Variants in EFR3B observed in about 807,000 individuals in gnomAD.
EFR3B encodes EFR3 homolog B, also known as protein EFR3 homolog B.
EFR3B carries 64 observed loss-of-function variants against 104.7 expected under a neutral mutation model. The ratio of observed to expected loss-of-function variants is 0.61; its 90% CI spans 0.50 to 0.75. The LOEUF is 0.75. Ranked by LOEUF, EFR3B falls within the 30% of genes least tolerant of loss-of-function variation. The probability of loss-of-function intolerance (pLI) is 0.00; values close to 1 mark genes in which losing one functional copy is unlikely to be tolerated. For missense variants in EFR3B, 750 were observed against 1,078.5 expected, an observed-to-expected ratio of 0.70 and a Z score of 4.27; for synonymous variants, 385 against 417.9, an observed-to-expected ratio of 0.92 and a Z score of 0.96.
At position 25,157,133 on chromosome 2, in the gene EFR3B, C is replaced by A. The variant is rs1227100004; in HGVS notation, c.*2793C>A. The A allele has an allele frequency of 1.3e-5, 2 of 152,224 alleles. No individual in the cohort carries two copies. Among genetic ancestry groups the A allele is most frequent in the Admixed American group, 6.5e-5 (1 of 15,288 alleles). The allele number at this position is 152,224 out of a possible 1,614,324, so 9.4% of individuals were successfully genotyped here. On this transcript the variant is annotated 3_prime_UTR_variant, in exon 23 of 23. Transcript: ENST00000403714. ...CTGCATAGATTCTGCTGTTTCCTCTCCACCGGTCCCAGGCAGCTTTTCCTT... is the reference window on the plus strand; with the variant it reads ...CTGCATAGATTCTGCTGTTTCCTCTACACCGGTCCCAGGCAGCTTTTCCTT...
chr2:25,085,871 T>C (rs1001557353), intron 1 of EFR3B, among the ~76,000 whole-genome samples: 1 of 151,284 alleles, frequency 6.6e-6, no homozygotes, highest in Non-Finnish European at 1.5e-5. Context: ...TATTTGTCCT[T>C]GGAGCCTTTT....
rs761295528 is a variant in EFR3B, at chr2:25,092,967, G to GAGGCCA, written c.85-36_85-35insAGGCCA. ...AGACTTGAACTCGTCTAGCCATAGT[G>GAGGCCA]TGGCCATAGTGAGCACAAGCTGTTT... On this transcript the variant is annotated intron_variant, in intron 2 of 22. Coordinates refer to ENST00000403714, the MANE Select transcript of EFR3B (RefSeq NM_014971.2). The GAGGCCA allele has an allele frequency of 5.6e-4, 859 of 1,538,568 alleles. 5 individuals carry two copies. The African/African-American group carries it at 0.011, about 20-fold the overall frequency.
In EFR3B at chr2:25,136,862, A is replaced by G. The variant is rs1215610063; in HGVS notation, c.1560+264A>G. Among the ~76,000 whole-genome samples the G allele has an allele frequency of 6.6e-6, 1 of 152,120 alleles. No individual in the cohort carries two copies. The highest frequency in any genetic ancestry group is 2.4e-5 in the African/African-American group (1 of 41,424). ...ACCCAGAAGGTGGAGGTTGCAGTGA[A>G]CCGAGATTGTGCCAATGTACTTCAG... On this transcript the variant is annotated intron_variant, in intron 14 of 22. Transcript: ENST00000403714. This position sits in a 1 kb window ranked among gnomAD's most constrained non-coding sequence, Gnocchi z 4.0.
chr2:25,146,956 C>T (rs1010434124), intron 19 of EFR3B: 75 of 152,334 alleles, frequency 4.9e-4, no homozygotes, highest in African/African-American at 1.8e-3. Context: ...TTTTTCCCCA[C>T]CTGCTCTGGC....
intron 10 of EFR3B, among the ~76,000 whole-genome samples, chr2:25,132,595 C>T (rs1388871164): frequency 6.7e-6 from 1 of 150,266 alleles, no homozygotes; most frequent in Non-Finnish European, 1.5e-5. Context: ...CTCCCCCCGA[C>T]CCCCCGCTCC....
intron 1 of EFR3B, among the ~76,000 whole-genome samples, chr2:25,078,488 A>G (rs1319650884): frequency 6.6e-5 from 10 of 152,176 alleles, no homozygotes; most frequent in Admixed American, 6.5e-4. Flanking sequence ...GAGGGAGTTG[A>G]TGTTTATAAG....
chr2:25,127,191 CAAAAAAA>C (rs57818903), intron 5 of EFR3B, among the ~76,000 whole-genome samples: 6 of 51,736 alleles, frequency 1.2e-4, no homozygotes, highest in African/African-American at 7.4e-5. Context: ...GACTCCACCT[CAAAAAAA>C]AAAAAAAAAA....
intron 4 of EFR3B, 85 bp downstream of exon 4, chr2:25,103,872 G>C (rs1040315056): frequency 6.7e-5 from 100 of 1,488,340 alleles, no homozygotes; most frequent in Non-Finnish European, 8.9e-5. Context: ...GGTCGGCACT[G>C]TCATGTTCTG....
chr2:25,060,182 C>T (rs776444611), intron 1 of EFR3B, among the ~76,000 whole-genome samples: 37 of 151,890 alleles, frequency 2.4e-4, no homozygotes, highest in South Asian at 2.1e-4. Context: ...GGTGACAGAG[C>T]GAGACTCCGT....
chr2:25,059,114 A>ATTTT (rs70947864), intron 1 of EFR3B, among the ~76,000 whole-genome samples: 102 of 142,096 alleles, frequency 7.2e-4, no homozygotes, highest in African/African-American at 2.5e-3. Flanking sequence ...TTCAGTGTTG[A>ATTTT]TTTTTTTTTT....
intron 5 of EFR3B, among the ~76,000 whole-genome samples, chr2:25,127,846 C>T (rs971762068): frequency 2.6e-5 from 4 of 152,172 alleles, no homozygotes; most frequent in Non-Finnish European, 5.9e-5. Flanking sequence ...TTCTTGGCAG[C>T]GTTTTGAGCT....
intron 1 of EFR3B, among the ~76,000 whole-genome samples, chr2:25,077,610 T>C (rs184947481): frequency 6.6e-6 from 1 of 152,320 alleles, no homozygotes; most frequent in East Asian, 1.9e-4. Context: ...AGTAAGAAAG[T>C]AAGTGCTCAC....
chr2:25,069,480 A>C (rs895198626), intron 1 of EFR3B, among the ~76,000 whole-genome samples: 5 of 152,232 alleles, frequency 3.3e-5, no homozygotes, highest in Non-Finnish European at 5.9e-5. Context: ...TTCAAGGGCA[A>C]GCTAGTGATA....
chr2:25,075,910 A>T (rs1261934163), intron 1 of EFR3B, among the ~76,000 whole-genome samples: 1 of 152,000 alleles, frequency 6.6e-6, no homozygotes, highest in East Asian at 1.9e-4. Flanking sequence ...GTAGGGTCTC[A>T]CTCTGTCACT....
At chr2:25,099,950 C>T (rs1005839505) in intron 3 of EFR3B, among the ~76,000 whole-genome samples, 3 of 151,950 alleles carry the variant, frequency 2.0e-5, no homozygotes, top group Admixed American at 6.6e-5. Context: ...CACCTGTAAC[C>T]CGAGCAATTT....
chr2:25,042,349 C>A lies in EFR3B; in HGVS notation c.7+30C>A. On this transcript the variant is annotated intron_variant, in intron 1 of 22. Transcript: ENST00000403714. The surrounding 1 kb of genome is among the most constrained non-coding windows in gnomAD (Gnocchi z 5.4). ...GGAGGGCTCCGCGCCCGGGCCCGGG[C>A]CCGCGGGGGCGACTCCGCAAACTTC... The A allele has an allele frequency of 1.6e-6, 2 of 1,257,190 alleles. No individual in the cohort carries two copies. The highest frequency in any genetic ancestry group is 2.0e-6 in the Non-Finnish European group (2 of 999,778). 77.9% of individuals were successfully genotyped at this position (1,257,190 alleles called of 1,614,324 possible). A position where few individuals can be genotyped will look rare whatever the true frequency, so the allele number is the denominator to read the frequency against.
At chr2:25,043,961 G>C (rs2149160691) in intron 1 of EFR3B, among the ~76,000 whole-genome samples, 1 of 152,268 alleles carries the variant, frequency 6.6e-6, no homozygotes, top group Admixed American at 6.5e-5. Context: ...TAATTTGGTC[G>C]TTTACCCGAG....
rs555141186 is a variant in EFR3B at position 25,110,229 on chromosome 2, C to T, written c.363+6442C>T. Among the ~76,000 whole-genome samples, 117 of 152,320 alleles carry T rather than the reference C, an allele frequency of 7.7e-4. 2 individuals carry two copies. Among genetic ancestry groups the T allele is most frequent in the Middle Eastern group, 3.4e-3 (1 of 294 alleles). On this transcript the variant is annotated intron_variant, in intron 4 of 22. Coordinates refer to ENST00000403714, the MANE Select transcript of EFR3B (RefSeq NM_014971.2). ...GGCCCTCGGGACACCCTCTGTCCAC[C>T]TGCCTTACCCTCCCAGGGCCTGCAC...
At chr2:25,151,849 G>T (rs1040435373) in intron 20 of EFR3B, 65 bp from the exon 21 acceptor site, 48 of 1,520,132 alleles carry the variant, frequency 3.2e-5, no homozygotes, top group Non-Finnish European at 4.3e-5. Flanking sequence ...AGTGCTCCCT[G>T]GAGGAGTCCC....
Sources: allele counts gnomAD v4.1 joint callset (sites outside exome capture counted in the v4.1 genomes callset), GRCh38; gene constraint gnomAD v4.1.1; non-coding constraint Gnocchi (gnomAD v3.1); transcripts MANE v1.5; gene names NCBI Gene and HGNC (gene_info 2026-07-23, HGNC 2026-07-21).